Variants in SLC25A13 observed in about 807,000 individuals in gnomAD.
The protein encoded by SLC25A13 is solute carrier family 25 member 13, also known as electrogenic aspartate/glutamate antiporter SLC25A13, mitochondrial.
A neutral mutation model predicts 85.5 loss-of-function variants in SLC25A13; 70 were observed. The ratio of observed to expected loss-of-function variants is 0.82; its 90% CI spans 0.68 to 1.00. The LOEUF is 1.00. Ranked by LOEUF, SLC25A13 falls within the 50% of genes least tolerant of loss-of-function variation. The probability of loss-of-function intolerance (pLI) is 0.00; values close to 1 mark genes in which losing one functional copy is unlikely to be tolerated. For missense variants in SLC25A13, 765 were observed against 819.8 expected (o/e 0.93, Z 0.82); for synonymous variants, 259 against 288.7 (o/e 0.90, Z 1.04).
intron 15 of SLC25A13, among the ~76,000 whole-genome samples, chr7:96,125,326 A>G (rs2116398323): frequency 6.6e-6 from 1 of 152,282 alleles, no homozygotes; most frequent in East Asian, 1.9e-4. Context: ...TCCTGACCTC[A>G]GGTAATCCGC....
chr7:96,281,283 C>G lies in SLC25A13; in HGVS notation c.70-3945G>C, dbSNP rs1162449479. On this transcript the variant is annotated intron_variant, in intron 2 of 17. Coordinates refer to ENST00000265631, the MANE Select transcript of SLC25A13 (RefSeq NM_014251.3). Reference sequence around the variant, plus strand: ...GCACAGGCCTGTAATCCCAGCTACTCAAGAGGCTGAGGCAGGAGAATCGCT... The same window carrying G: ...GCACAGGCCTGTAATCCCAGCTACTGAAGAGGCTGAGGCAGGAGAATCGCT... Among the ~76,000 whole-genome samples, 5 of 150,838 alleles carry G rather than the reference C, an allele frequency of 3.3e-5. No homozygotes were observed. In the East Asian group the frequency reaches 7.8e-4, roughly 24 times the overall value.
Position 96,163,415 on chromosome 7 carries a change from C to T in SLC25A13, c.1311+6630G>A, listed in dbSNP as rs544341614. Among the ~76,000 whole-genome samples, 72 of 152,292 alleles carry T rather than the reference C, an allele frequency of 4.7e-4. No homozygotes were observed. In the South Asian group the frequency reaches 0.015, roughly 32 times the overall value. ...CGGTTGACCCTTCAGATGAGTCTGG[C>T]CCCAGCTGCCACTAGCCCATAACCA... On this transcript the variant is annotated intron_variant, in intron 13 of 17. Coordinates refer to ENST00000265631, the MANE Select transcript of SLC25A13 (RefSeq NM_014251.3).
At chr7:96,205,347 G>A (rs1410089187) in intron 5 of SLC25A13, among the ~76,000 whole-genome samples, 1 of 152,218 alleles carries the variant, frequency 6.6e-6, no homozygotes, top group Non-Finnish European at 1.5e-5. Flanking sequence ...TCTAGGAGCT[G>A]GGAGTAGACA....
At chr7:96,317,035 C>T (rs927127926) in intron 1 of SLC25A13, among the ~76,000 whole-genome samples, 1 of 152,064 alleles carries the variant, frequency 6.6e-6, no homozygotes, top group Non-Finnish European at 1.5e-5. Context: ...AATGGCACGA[C>T]GTCAGCTCAC....
intron 13 of SLC25A13, among the ~76,000 whole-genome samples, chr7:96,148,807 G>C (rs1398331101): frequency 6.6e-6 from 1 of 152,204 alleles, no homozygotes; most frequent in Non-Finnish European, 1.5e-5. Context: ...CAACAGCAGG[G>C]AAGGAGGCAG....
intron 13 of SLC25A13, among the ~76,000 whole-genome samples, chr7:96,151,027 G>A (rs1214561647): frequency 2.0e-5 from 3 of 152,116 alleles, no homozygotes; most frequent in Non-Finnish European, 4.4e-5. Flanking sequence ...GAGGGCAAGA[G>A]CTCTCCTGGC....
intron 4 of SLC25A13, among the ~76,000 whole-genome samples, chr7:96,218,456 C>CAAATTCT (rs1795980906): frequency 6.6e-6 from 1 of 152,128 alleles, no homozygotes; most frequent in Non-Finnish European, 1.5e-5. Context: ...TTTGTTTTTA[C>CAAATTCT]AAATTCTATG....
rs551544103 is a variant in SLC25A13 at position 96,286,584 on chromosome 7, A to G, written c.70-9246T>C. ...CCATAGAAAGATATAATTAGACCAC[A>G]CCATCTTCTGCTAATTAATCCTGTA... On this transcript the variant is annotated intron_variant, in intron 2 of 17. Coordinates refer to ENST00000265631, the MANE Select transcript of SLC25A13 (RefSeq NM_014251.3). 2.0e-5 allele frequency among the ~76,000 whole-genome samples: 3 copies of G among 152,208 alleles called. No homozygotes were observed. The South Asian group carries it at 6.2e-4, about 32-fold the overall frequency.
At chr7:96,230,724 G>A (rs1192837086) in intron 4 of SLC25A13, among the ~76,000 whole-genome samples, 2 of 152,192 alleles carry the variant, frequency 1.3e-5, no homozygotes, top group African/African-American at 4.8e-5. Context: ...TTCAATAAAC[G>A]ATGCTGGGTT....
chr7:96,210,601 G>T (rs1261710609), intron 4 of SLC25A13, among the ~76,000 whole-genome samples: 1 of 152,108 alleles, frequency 6.6e-6, no homozygotes, highest in Non-Finnish European at 1.5e-5. Context: ...ACTTTCTTCA[G>T]TGCAAAACAT....
intron 2 of SLC25A13, among the ~76,000 whole-genome samples, chr7:96,282,745 C>A (rs978828017): frequency 1.3e-5 from 2 of 152,088 alleles, no homozygotes; most frequent in African/African-American, 4.8e-5. Flanking sequence ...ACAAGTATTA[C>A]TTTAAATCAG....
intron 14 of SLC25A13, 102 bp downstream of exon 14, chr7:96,146,454 T>G: frequency 6.8e-7 from 1 of 1,459,860 alleles, no homozygotes; most frequent in Non-Finnish European, 9.4e-7. Flanking sequence ...CTTCTCCAGG[T>G]GTAGAAATGC....
intron 1 of SLC25A13, chr7:96,306,999 G>C (rs967534554): frequency 2.5e-5 from 20 of 812,058 alleles, no homozygotes; most frequent in African/African-American, 2.2e-4. Context: ...TTTGCCATGA[G>C]TCTGCGGTGG....
chr7:96,318,589 A>G (rs1029360539), intron 1 of SLC25A13, among the ~76,000 whole-genome samples: 1 of 152,236 alleles, frequency 6.6e-6, no homozygotes, highest in Non-Finnish European at 1.5e-5. Flanking sequence ...TGAACCATTA[A>G]CTAGTAATCT....
chr7:96,284,667 C>T (rs1798817117), intron 2 of SLC25A13, among the ~76,000 whole-genome samples: 1 of 152,182 alleles, frequency 6.6e-6, no homozygotes, highest in African/African-American at 2.4e-5. Flanking sequence ...GTGGAGATAA[C>T]TGAATCATGG....
At chr7:96,178,527 A>C (rs527963568) in intron 11 of SLC25A13, among the ~76,000 whole-genome samples, 136 of 152,296 alleles carry the variant, frequency 8.9e-4, no homozygotes, top group African/African-American at 3.1e-3. Context: ...AGCCACAGCC[A>C]GCACACTGTT....
chr7:96,225,476 T>C (rs1796297286), intron 4 of SLC25A13, among the ~76,000 whole-genome samples: 2 of 151,742 alleles, frequency 1.3e-5, no homozygotes, highest in South Asian at 4.2e-4. Flanking sequence ...GTCAGGCATG[T>C]TGAGGCTGCA....
chr7:96,293,428 T>C (rs1373873918), intron 2 of SLC25A13, among the ~76,000 whole-genome samples: 3 of 152,044 alleles, frequency 2.0e-5, no homozygotes, highest in Admixed American at 6.5e-5. Context: ...AATTGACAAA[T>C]GGGATCTAAT....
At position 96,159,349 on chromosome 7, in the gene SLC25A13, C is replaced by T. The variant is rs182631819; in HGVS notation, c.1311+10696G>A. Among the ~76,000 whole-genome samples, 469 of 152,300 alleles carry T rather than the reference C, an allele frequency of 3.1e-3. 10 individuals are homozygous for T. Among genetic ancestry groups the T allele is most frequent in the Non-Finnish European group, 9.4e-4 (64 of 68,038 alleles). On this transcript the variant is annotated intron_variant, in intron 13 of 17. Transcript: ENST00000265631. ...CAGAATGTGACCGGATTTGGACTTA[C>T]GGCCTTTTAAGAGGTAATTAAGAAG...
Sources: allele counts gnomAD v4.1 joint callset (sites outside exome capture counted in the v4.1 genomes callset), GRCh38; gene constraint gnomAD v4.1.1; transcripts MANE v1.5; gene names NCBI Gene and HGNC (gene_info 2026-07-23, HGNC 2026-07-21).